Variants in FBXL14 observed in about 807,000 individuals in gnomAD.
FBXL14 encodes F-box/LRR-repeat protein 14.
In FBXL14, 11 loss-of-function variants were observed where a neutral mutation model predicts 24.5. The ratio of observed to expected loss-of-function variants is 0.45; its 90% CI spans 0.28 to 0.74. The LOEUF is 0.74. FBXL14 is among the 30% of genes least tolerant of loss of function. The pLI is 0.12. For missense variants in FBXL14, 384 were observed against 545.6 expected, an observed-to-expected ratio of 0.70 and a Z score of 2.95; for synonymous variants, 294 against 240.4, an observed-to-expected ratio of 1.22 and a Z score of -2.06.
chr12:1,591,537 C>T (rs2094490051), intron 1 of FBXL14, among the ~76,000 whole-genome samples: 1 of 152,104 alleles, frequency 6.6e-6, no homozygotes, highest in African/African-American at 2.4e-5. Flanking sequence ...TTGCATGTTG[C>T]TGTGGAGGGT....
intron 1 of FBXL14, among the ~76,000 whole-genome samples, chr12:1,580,689 C>T (rs1482919001): frequency 6.6e-6 from 1 of 152,058 alleles, no homozygotes; most frequent in African/African-American, 2.4e-5. Context: ...TGTGCTGGGG[C>T]CTGAAATGTC....
intron 1 of FBXL14, among the ~76,000 whole-genome samples, chr12:1,571,046 C>A (rs111479497): frequency 6.6e-6 from 1 of 152,226 alleles, no homozygotes; most frequent in South Asian, 2.1e-4. Context: ...CACTAATAAT[C>A]GGTCATTGCT....
intron 1 of FBXL14, among the ~76,000 whole-genome samples, chr12:1,576,442 C>T (rs1265152558): frequency 6.6e-6 from 1 of 152,190 alleles, no homozygotes; most frequent in Non-Finnish European, 1.5e-5. Flanking sequence ...AATGCAGAGG[C>T]TGTCACCCTC....
At chr12:1,574,018 A>G (rs1274962646) in intron 1 of FBXL14, among the ~76,000 whole-genome samples, 1 of 138,504 alleles carries the variant, frequency 7.2e-6, no homozygotes, top group Non-Finnish European at 1.6e-5. Context: ...AAAAAAGAAA[A>G]AAAAAAAAAA....
intron 1 of FBXL14, among the ~76,000 whole-genome samples, chr12:1,570,699 C>T (rs112013412): frequency 0.034 from 5,245 of 152,240 alleles, 110 homozygotes; most frequent in Middle Eastern, 0.044. Context: ...CAAAGCAGAA[C>T]GGAACCCAAG....
chr12:1,586,657 T>G (rs1318711772), intron 1 of FBXL14, among the ~76,000 whole-genome samples: 2 of 152,202 alleles, frequency 1.3e-5, no homozygotes, highest in East Asian at 3.9e-4. Flanking sequence ...GCAAAATCTT[T>G]TCCACTTTGT....
chr12:1,571,451 G>A (rs969555197), intron 1 of FBXL14, among the ~76,000 whole-genome samples: 19 of 152,180 alleles, frequency 1.2e-4, no homozygotes, highest in African/African-American at 3.4e-4. Flanking sequence ...CAGGTGATCC[G>A]CCTGCCTCAG....
intron 1 of FBXL14, among the ~76,000 whole-genome samples, chr12:1,582,328 T>TTAGGAGCAG (rs776893759): frequency 3.2e-4 from 48 of 152,118 alleles, no homozygotes; most frequent in Non-Finnish European, 5.1e-4. Flanking sequence ...CCCTCCCAGT[T>TTAGGAGCAG]CTTCCGAGGA....
At chr12:1,584,233 CCCA>C (rs1362254535) in intron 1 of FBXL14, among the ~76,000 whole-genome samples, 1 of 152,062 alleles carries the variant, frequency 6.6e-6, no homozygotes, top group African/African-American at 2.4e-5. Context: ...TGCCTGTGGT[CCCA>C]GCTACTCGGG....
At chr12:1,592,797 A>T (rs2094493596) in intron 1 of FBXL14, 76 bp downstream of exon 1, 3 of 1,234,440 alleles carry the variant, frequency 2.4e-6, no homozygotes, top group African/African-American at 1.5e-5. Context: ...TGTGCGTGTG[A>T]GTGTGTGGGG....
At chr12:1,586,460 G>A (rs1182555945) in intron 1 of FBXL14, among the ~76,000 whole-genome samples, 1 of 152,144 alleles carries the variant, frequency 6.6e-6, no homozygotes, top group Non-Finnish European at 1.5e-5. Flanking sequence ...TCCCACCTCA[G>A]CCGAGTGAGT....
intron 1 of FBXL14, among the ~76,000 whole-genome samples, chr12:1,571,269 CAT>C (rs2094445094): frequency 6.6e-6 from 1 of 152,090 alleles, no homozygotes; most frequent in Non-Finnish European, 1.5e-5. Flanking sequence ...AGTGCAATGG[CAT>C]GATCTCAGCT....
intron 1 of FBXL14, among the ~76,000 whole-genome samples, chr12:1,581,624 G>A (rs1180257686): frequency 6.6e-6 from 1 of 152,176 alleles, no homozygotes; most frequent in East Asian, 1.9e-4. Flanking sequence ...AAACAACGTT[G>A]GTCCTGACGG....
chr12:1,594,030 G>A lies in FBXL14; in HGVS notation c.37C>T (p.Leu13=). ...TCCAGGTAGCCGAAGATCATGGCCA[G>A]CAGCTCCGGGAACAGGCATGAGATG... ...THISCLFPEL[L]AMIFGYLDVR... is the part of the protein sequence containing the mutation. The change falls in exon 1 of 2, where the codon CTG becomes TTG. Residue 13 remains leucine (L), a synonymous_variant. Transcript: ENST00000339235. 6.4e-6 allele frequency: 10 copies of A among 1,560,546 alleles called. No homozygotes were observed. The highest frequency in any genetic ancestry group is 8.6e-6 in the Non-Finnish European group (10 of 1,160,998).
rs1180530548 is a variant in FBXL14 at position 1,567,190 on chromosome 12, C to T, written c.1195-380G>A. Among the ~76,000 whole-genome samples the T allele has an allele frequency of 1.3e-5, 2 of 152,074 alleles. No individual in the cohort carries two copies. The highest frequency in any genetic ancestry group is 2.4e-5 in the African/African-American group (1 of 41,412). On this transcript the variant is annotated intron_variant, in intron 1 of 1. Coordinates refer to ENST00000339235, the MANE Select transcript of FBXL14 (RefSeq NM_152441.3). The surrounding 1 kb of genome is among the most constrained non-coding windows in gnomAD (Gnocchi z 4.8). The stretch of plus-strand genomic sequence containing the variant: ...ACTAAAGGGCAAATAGGGCCTGGCA[C>T]GGTGGCTGACGCCTGTAATCCCAGC...
chr12:1,577,224 C>T (rs995335909), intron 1 of FBXL14, among the ~76,000 whole-genome samples: 6 of 152,164 alleles, frequency 3.9e-5, no homozygotes, highest in East Asian at 1.9e-4. Context: ...ATTTCATGAT[C>T]GTATACAAAT....
In FBXL14 at chr12:1,566,509, C is replaced by T. The variant is rs1456098010; in HGVS notation, c.*239G>A. 1.2e-5 allele frequency: 5 copies of T among 427,306 alleles called. No individual in the cohort carries two copies. In the East Asian group the frequency reaches 1.4e-4, roughly 12 times the overall value. The allele number at this position is 427,306 out of a possible 1,614,324, so 26.5% of individuals were successfully genotyped here. Reference sequence around the variant, plus strand: ...AGCTGAACAGACTGAAAAAGCAAGTCTCCTTGGATCCATAAAGGAAGCGAG... The same window carrying T: ...AGCTGAACAGACTGAAAAAGCAAGTTTCCTTGGATCCATAAAGGAAGCGAG... On this transcript the variant is annotated 3_prime_UTR_variant, in exon 2 of 2. Coordinates refer to ENST00000339235, the MANE Select transcript of FBXL14 (RefSeq NM_152441.3).
At chr12:1,572,291 G>A (rs1487926956) in intron 1 of FBXL14, among the ~76,000 whole-genome samples, 2 of 152,300 alleles carry the variant, frequency 1.3e-5, no homozygotes, top group Admixed American at 6.5e-5. Flanking sequence ...TGCACGATAC[G>A]GTGTGTTTTG....
rs1470557474 is a variant in FBXL14 at position 1,594,384 on chromosome 12, T to G, written c.-318A>C. ...CCGGAGGCCGGCCGCCGCCGCCGCC[T>G]CGGCTCTACCCACGCCGCGCCCGGG... is the stretch of plus-strand genomic sequence containing the variant. On this transcript the variant is annotated 5_prime_UTR_variant, in exon 1 of 2. Coordinates refer to ENST00000339235, the MANE Select transcript of FBXL14 (RefSeq NM_152441.3). Among the ~76,000 whole-genome samples the G allele has an allele frequency of 1.3e-4, 19 of 142,640 alleles. No individual in the cohort carries two copies. The highest frequency in any genetic ancestry group is 4.6e-5 in the Non-Finnish European group (3 of 64,770). 93.6% of individuals were successfully genotyped at this position (142,640 alleles called of 152,430 possible). A position where few individuals can be genotyped will look rare whatever the true frequency, so the allele number is the denominator to read the frequency against.
Sources: gnomAD v4.1 joint callset for allele counts (sites outside exome capture counted in the v4.1 genomes callset) on GRCh38, gnomAD v4.1.1 for gene constraint, Gnocchi (gnomAD v3.1) non-coding constraint, MANE v1.5 for transcripts, NCBI Gene and HGNC (gene_info 2026-07-23, HGNC 2026-07-21) for gene names.